SNX9: variants seen among roughly 807,000 people sequenced by gnomAD.
SNX9 encodes the protein sorting nexin 9.
Under a neutral mutation model 89.4 loss-of-function variants are expected in SNX9, and 44 were observed. The observed-to-expected ratio is 0.49, with a 90% CI of 0.39 to 0.63. The LOEUF is 0.63. Ranked by LOEUF, SNX9 falls within the 30% of genes least tolerant of loss-of-function variation. SNX9 has a pLI of 0.00. For missense variants in SNX9, 578 were observed against 736.1 expected, an observed-to-expected ratio of 0.79 and a Z score of 2.49; for synonymous variants, 236 against 247.8, an observed-to-expected ratio of 0.95 and a Z score of 0.45.
intron 4 of SNX9, among the ~76,000 whole-genome samples, chr6:157,890,568 C>T (rs899266592): frequency 3.9e-5 from 6 of 152,120 alleles, no homozygotes; most frequent in African/African-American, 1.4e-4. Flanking sequence ...AATCATCTAC[C>T]TGTGGTGATT....
intron 1 of SNX9, among the ~76,000 whole-genome samples, chr6:157,866,956 G>GT (rs968891381): frequency 4.0e-5 from 6 of 151,752 alleles, no homozygotes; most frequent in Non-Finnish European, 8.8e-5. Context: ...TTGTTTGTTT[G>GT]TTTTTTTAAG....
At chr6:157,933,830 T>C (rs1783865933) in intron 13 of SNX9, among the ~76,000 whole-genome samples, 1 of 152,256 alleles carries the variant, frequency 6.6e-6, no homozygotes, top group Non-Finnish European at 1.5e-5. Flanking sequence ...GCTTCGTGAT[T>C]CTTTAACATT....
At chr6:157,906,886 C>T (rs1783227587) in intron 7 of SNX9, among the ~76,000 whole-genome samples, 1 of 152,126 alleles carries the variant, frequency 6.6e-6, no homozygotes, top group African/African-American at 2.4e-5. Context: ...TTGACTTAAC[C>T]CTGTAACAAT....
chr6:157,823,994 T>A lies in SNX9; in HGVS notation c.12+548T>A, dbSNP rs1404956422. Among the ~76,000 whole-genome samples the A allele has an allele frequency of 6.6e-6, 1 of 152,212 alleles. No individual in the cohort carries two copies. The highest frequency in any genetic ancestry group is 1.5e-5 in the Non-Finnish European group (1 of 68,026). The stretch of plus-strand genomic sequence containing the variant: ...CCGAGGCTGGGACGCCCCGCGCCCC[T>A]TTGCCTTCGCTGCTGTTATTTTTTT... On this transcript the variant is annotated intron_variant, in intron 1 of 17. Coordinates refer to ENST00000392185, the MANE Select transcript of SNX9 (RefSeq NM_016224.5). The surrounding 1 kb of genome is among the most constrained non-coding windows in gnomAD (Gnocchi z 4.6).
At chr6:157,919,205 G>A (rs972017544) in intron 9 of SNX9, among the ~76,000 whole-genome samples, 15 of 152,018 alleles carry the variant, frequency 9.9e-5, no homozygotes, top group East Asian at 7.7e-4. Context: ...GAGGATAGTC[G>A]TACCGATCTG....
chr6:157,924,123 G>A (rs778471201), intron 10 of SNX9, among the ~76,000 whole-genome samples: 23 of 152,074 alleles, frequency 1.5e-4, no homozygotes, highest in Admixed American at 4.6e-4. Flanking sequence ...GTTGGAACCC[G>A]GGGGTAAAGG....
intron 9 of SNX9, among the ~76,000 whole-genome samples, chr6:157,912,733 ATTTC>A (rs1163368184): frequency 2.0e-5 from 3 of 152,156 alleles, no homozygotes; most frequent in Non-Finnish European, 2.9e-5. Flanking sequence ...TACAGTTAAC[ATTTC>A]TTTATTTGTT....
rs142734039 is a variant in SNX9 at position 157,941,893 on chromosome 6, A to G, written c.1741-898A>G. On this transcript the variant is annotated intron_variant, in intron 17 of 17. Coordinates refer to ENST00000392185, the MANE Select transcript of SNX9 (RefSeq NM_016224.5). The stretch of plus-strand genomic sequence containing the variant: ...TCCTCCCTTACAGGACGTGGGCCCT[A>G]TGCTCTTTAAATGCACACTTTTCCC... Among the ~76,000 whole-genome samples, 238 of 152,352 alleles carry G rather than the reference A, an allele frequency of 1.6e-3. 1 individual carries two copies. Among genetic ancestry groups the G allele is most frequent in the African/African-American group, 5.4e-3 (224 of 41,578 alleles).
rs781305781 is a variant in SNX9 at position 157,896,864 on chromosome 6, C to T, written c.338C>T (p.Ala113Val). Residue 113 changes from alanine (A) to valine (V), a missense_variant, in exon 5 of 18, where the codon GCC becomes GTC. Ala to Val is a moderately conservative substitution (Grantham distance 64). Coordinates refer to ENST00000392185, the MANE Select transcript of SNX9 (RefSeq NM_016224.5). The stretch of plus-strand genomic sequence containing the variant: ...AATGACCCCTGGTCAGCCTGGAGTG[C>T]CTCCAAATCTGGGAACTGGGAAAGC... ...SGNDPWSAWS[A>V]SKSGNWESSE... 1.9e-6 allele frequency: 3 copies of T among 1,613,266 alleles called. No individual in the cohort carries two copies. In the East Asian group the frequency reaches 6.7e-5, roughly 36 times the overall value.
At chr6:157,834,370 G>A (rs1416832703) in intron 1 of SNX9, among the ~76,000 whole-genome samples, 14 of 147,322 alleles carry the variant, frequency 9.5e-5, no homozygotes, top group South Asian at 2.2e-4. Flanking sequence ...TTGTAGAGAC[G>A]GGGTCTCAGT....
intron 12 of SNX9, among the ~76,000 whole-genome samples, chr6:157,929,111 A>G (rs1263481273): frequency 1.3e-5 from 2 of 152,220 alleles, no homozygotes; most frequent in African/African-American, 4.8e-5. Flanking sequence ...TATAGTTAGT[A>G]GTAGAAAATA....
chr6:157,912,421 A>T (rs975298497), intron 9 of SNX9, among the ~76,000 whole-genome samples: 9 of 93,222 alleles, frequency 9.7e-5, no homozygotes, highest in African/African-American at 1.6e-4. Context: ...AGATTTGTTT[A>T]AAAAAAAATA....
At chr6:157,922,042 C>A (rs185949758) in intron 10 of SNX9, among the ~76,000 whole-genome samples, 43 of 152,274 alleles carry the variant, frequency 2.8e-4, no homozygotes, top group African/African-American at 9.4e-4. Flanking sequence ...GTTGCCCTTA[C>A]AATGTAACAG....
At chr6:157,861,336 T>A (rs1782115512) in intron 1 of SNX9, among the ~76,000 whole-genome samples, 1 of 152,226 alleles carries the variant, frequency 6.6e-6, no homozygotes, top group Non-Finnish European at 1.5e-5. Context: ...GATAATTAAT[T>A]GACCCGCATC....
chr6:157,842,339 A>T (rs987646310), intron 1 of SNX9, among the ~76,000 whole-genome samples: 19 of 152,226 alleles, frequency 1.2e-4, no homozygotes, highest in African/African-American at 4.3e-4. Flanking sequence ...CAGTTAAAAA[A>T]TATATGCATG....
At chr6:157,930,626 T>C (rs1783792820) in intron 12 of SNX9, among the ~76,000 whole-genome samples, 1 of 152,180 alleles carries the variant, frequency 6.6e-6, no homozygotes, top group African/African-American at 2.4e-5. Context: ...TGCACCCTAT[T>C]AAGAGCCACG....
At chr6:157,926,764 A>AAG (rs767969709) in intron 10 of SNX9, among the ~76,000 whole-genome samples, 1 of 148,756 alleles carries the variant, frequency 6.7e-6, no homozygotes, top group East Asian at 2.0e-4. Context: ...CTAGAAGGCA[A>AAG]AGTGAGACTC....
chr6:157,855,648 C>A (rs1407118242), intron 1 of SNX9, among the ~76,000 whole-genome samples: 1 of 152,200 alleles, frequency 6.6e-6, no homozygotes, highest in Non-Finnish European at 1.5e-5. Context: ...TTCTTACTGA[C>A]TCGTACTCTT....
At chr6:157,928,731 C>T (rs1261680468) in intron 12 of SNX9, 29 bp downstream of exon 12, 2 of 1,513,222 alleles carry the variant, frequency 1.3e-6, no homozygotes, top group Admixed American at 2.1e-5. Context: ...GTGCACTGGG[C>T]TCGTAGGGGG....
Sources: allele counts gnomAD v4.1 joint callset (sites outside exome capture counted in the v4.1 genomes callset), GRCh38; gene constraint gnomAD v4.1.1; non-coding constraint Gnocchi (gnomAD v3.1); transcripts MANE v1.5; gene names NCBI Gene and HGNC (gene_info 2026-07-23, HGNC 2026-07-21).